Variants in CNTN3 observed in about 807,000 individuals in gnomAD.
CNTN3 encodes contactin 3.
Under a neutral mutation model 119.1 loss-of-function variants are expected in CNTN3, and 60 were observed. The observed-to-expected ratio is 0.50, with a 90% confidence interval of 0.41 to 0.62. The LOEUF is 0.62. Among genes scored for constraint, CNTN3 ranks in the 20% least tolerant of loss-of-function variants. The probability of loss-of-function intolerance (pLI) is 0.00; values close to 1 mark genes in which losing one functional copy is unlikely to be tolerated. For missense variants in CNTN3, 1,101 were observed against 1,242.4 expected (o/e 0.89, Z 1.71); for synonymous variants, 450 against 438.7 (o/e 1.03, Z -0.32).
At chr3:74,410,672 G>C (rs1342233859) in intron 5 of CNTN3, among the ~76,000 whole-genome samples, 1 of 152,152 alleles carries the variant, frequency 6.6e-6, no homozygotes, top group Non-Finnish European at 1.5e-5. Context: ...TTTGGCAGTA[G>C]AGTTGAAAAC....
intron 1 of CNTN3, among the ~76,000 whole-genome samples, chr3:74,605,642 C>T (rs1364287872): frequency 6.6e-6 from 1 of 152,058 alleles, no homozygotes; most frequent in African/African-American, 2.4e-5. Context: ...CACTGGCTAC[C>T]AGTTTTGGCT....
intron 18 of CNTN3, among the ~76,000 whole-genome samples, chr3:74,297,663 G>A (rs558740): frequency 0.066 from 10,012 of 152,200 alleles, 392 homozygotes; most frequent in African/African-American, 0.1. Flanking sequence ...AAAAGGAAAG[G>A]CATTTTCTTG....
In CNTN3 at chr3:74,499,731, A is replaced by G. The variant is rs772857431; in HGVS notation, c.110T>C (p.Phe37Ser). The change falls in exon 3 of 23, where the codon TTC becomes TCC. Residue 37 changes from phenylalanine to serine, a missense_variant. Phe to Ser is a radical substitution (Grantham distance 155). Coordinates refer to ENST00000263665, the MANE Select transcript of CNTN3 (RefSeq NM_020872.3). ...TTTTTTATCTTCTGAACCAACAGGGAAAATGCTGTTGCTGGGTTCTTTGAT... is the reference window on the plus strand; with the variant it reads ...TTTTTTATCTTCTGAACCAACAGGGGAAATGCTGTTGCTGGGTTCTTTGAT... Reference protein sequence around the residue: ...VFIKEPSNSIFPVGSEDKKIT... With the variant: ...VFIKEPSNSISPVGSEDKKIT... 1.9e-6 allele frequency: 3 copies of G among 1,611,310 alleles called. No individual in the cohort carries two copies. The African/African-American group carries it at 4.0e-5, about 22-fold the overall frequency.
intron 1 of CNTN3, among the ~76,000 whole-genome samples, chr3:74,536,127 T>A (rs998668613): frequency 6.6e-6 from 1 of 152,032 alleles, no homozygotes; most frequent in Non-Finnish European, 1.5e-5. Context: ...TGTAAGAAGG[T>A]ATTACATTTT....
chr3:74,374,459 T>C (rs1704424557), intron 5 of CNTN3, among the ~76,000 whole-genome samples: 2 of 152,064 alleles, frequency 1.3e-5, no homozygotes, highest in South Asian at 4.1e-4. Context: ...AGAATGCCCA[T>C]TTTCATTGAC....
intron 5 of CNTN3, among the ~76,000 whole-genome samples, chr3:74,409,028 G>A (rs114285970): frequency 1.4e-3 from 217 of 152,170 alleles, no homozygotes; most frequent in African/African-American, 4.9e-3. Context: ...AGTCTTCCAC[G>A]AAGAGCCTTG....
intron 4 of CNTN3, among the ~76,000 whole-genome samples, chr3:74,442,168 CACACACACAG>C (rs1226991583): frequency 1.7e-5 from 2 of 116,930 alleles, no homozygotes; most frequent in Non-Finnish European, 3.6e-5. Context: ...CACACACACA[CACACACACAG>C]AGAGAGAGAG....
At chr3:74,614,142 T>C (rs1410904825) in intron 1 of CNTN3, among the ~76,000 whole-genome samples, 2 of 152,188 alleles carry the variant, frequency 1.3e-5, no homozygotes, top group Non-Finnish European at 2.9e-5. Context: ...CCACTCAATT[T>C]TCAGCGCTCC....
At chr3:74,374,450 GAA>G (rs1704424380) in intron 5 of CNTN3, among the ~76,000 whole-genome samples, 1 of 151,972 alleles carries the variant, frequency 6.6e-6, no homozygotes. Context: ...AATTCTGAAA[GAA>G]TGCCCATTTT....
chr3:74,481,438 G>GT (rs1702761824), intron 4 of CNTN3, among the ~76,000 whole-genome samples: 1 of 151,736 alleles, frequency 6.6e-6, no homozygotes, highest in South Asian at 2.1e-4. Flanking sequence ...TTAGAAATCA[G>GT]TATCAAAAGA....
intron 2 of CNTN3, among the ~76,000 whole-genome samples, chr3:74,512,415 G>A (rs964179421): frequency 1.3e-5 from 2 of 152,044 alleles, no homozygotes; most frequent in Non-Finnish European, 2.9e-5. Context: ...TTCAAAAAGA[G>A]GGGGAAAAGG....
In CNTN3 at chr3:74,279,004, A is replaced by T. The variant is rs1701939808; in HGVS notation, c.2704+6301T>A. Among the ~76,000 whole-genome samples, 3 of 152,202 alleles carry T rather than the reference A, an allele frequency of 2.0e-5. No individual in the cohort carries two copies. In the South Asian group the frequency reaches 6.2e-4, roughly 31 times the overall value. Reference sequence around the variant, plus strand: ...TATACAAATGGCCAACCAACATATGAAAAAATGCTCAACACCACTAATGAT... The same window carrying T: ...TATACAAATGGCCAACCAACATATGTAAAAATGCTCAACACCACTAATGAT... On this transcript the variant is annotated intron_variant, in intron 20 of 22. Coordinates refer to ENST00000263665, the MANE Select transcript of CNTN3 (RefSeq NM_020872.3).
intron 1 of CNTN3, among the ~76,000 whole-genome samples, chr3:74,562,622 A>G (rs1174609658): frequency 6.6e-6 from 1 of 152,122 alleles, no homozygotes; most frequent in East Asian, 1.9e-4. Flanking sequence ...GAAGGTTTTT[A>G]TATCTTGGAA....
At chr3:74,375,824 C>T (rs1261574324) in intron 5 of CNTN3, among the ~76,000 whole-genome samples, 1 of 152,186 alleles carries the variant, frequency 6.6e-6, no homozygotes, top group African/African-American at 2.4e-5. Context: ...TGATTTTGGA[C>T]TTTGGACCTC....
chr3:74,447,292 T>C (rs1184439644), intron 4 of CNTN3, among the ~76,000 whole-genome samples: 3 of 152,116 alleles, frequency 2.0e-5, no homozygotes, highest in Admixed American at 1.3e-4. Flanking sequence ...CATATGGTGA[T>C]CCAGCAGGGA....
Position 74,278,986 on chromosome 3 carries a change from A to G in CNTN3, c.2704+6319T>C, listed in dbSNP as rs182261430. On this transcript the variant is annotated intron_variant, in intron 20 of 22. Coordinates refer to ENST00000263665, the MANE Select transcript of CNTN3 (RefSeq NM_020872.3). Reference sequence around the variant, plus strand: ...ACAATTCTCTGAAGAAAATATACAAATGGCCAACCAACATATGAAAAAATG... The same window carrying G: ...ACAATTCTCTGAAGAAAATATACAAGTGGCCAACCAACATATGAAAAAATG... Among the ~76,000 whole-genome samples, 149 of 152,326 alleles carry G rather than the reference A, an allele frequency of 9.8e-4. 1 individual carries two copies. Among genetic ancestry groups the G allele is most frequent in the East Asian group, 5.8e-4 (3 of 5,180 alleles).
chr3:74,267,599 T>C (rs965986795), intron 20 of CNTN3: 9 of 462,938 alleles, frequency 1.9e-5, no homozygotes, highest in Non-Finnish European at 3.5e-5. Flanking sequence ...TGACACGTAA[T>C]TTATTCATGT....
intron 4 of CNTN3, among the ~76,000 whole-genome samples, chr3:74,461,096 G>A (rs1702359303): frequency 6.6e-6 from 1 of 151,568 alleles, no homozygotes; most frequent in Non-Finnish European, 1.5e-5. Flanking sequence ...TGTGCCAATC[G>A]ACATGATCAT....
chr3:74,391,615 G>A (rs1386561150), intron 5 of CNTN3, among the ~76,000 whole-genome samples: 2 of 142,334 alleles, frequency 1.4e-5, no homozygotes, highest in Non-Finnish European at 3.0e-5. Flanking sequence ...CCCCCAGGCT[G>A]GAGTGCAGCT....
Sources: gnomAD v4.1 joint callset for allele counts (sites outside exome capture counted in the v4.1 genomes callset) on GRCh38, gnomAD v4.1.1 for gene constraint, MANE v1.5 for transcripts, NCBI Gene and HGNC (gene_info 2026-07-23, HGNC 2026-07-21) for gene names.